Variants in ERC2 observed in about 807,000 individuals in gnomAD.
ERC2 encodes ELKS/RAB6-interacting/CAST family member 2.
Under a neutral mutation model 114.8 loss-of-function variants are expected in ERC2, and 42 were observed. The ratio of observed to expected loss-of-function variants is 0.37; its 90% confidence interval spans 0.29 to 0.47. The LOEUF (loss-of-function observed/expected upper bound fraction) is 0.47, where lower values mean the gene tolerates loss of function less well. Ranked by LOEUF, ERC2 falls within the 20% of genes least tolerant of loss-of-function variation. ERC2 has a pLI of 0.99. For synonymous variants in ERC2, 454 were observed against 425.5 expected (o/e 1.07, Z -0.82); for missense variants, 939 against 1,150.7 (o/e 0.82, Z 2.66).
intron 6 of ERC2, among the ~76,000 whole-genome samples, chr3:56,100,962 A>C (rs2078319906): frequency 1.3e-5 from 2 of 152,214 alleles, no homozygotes; most frequent in African/African-American, 4.8e-5. Flanking sequence ...ACAGAAATTC[A>C]GGGGATAATC....
At chr3:55,939,868 T>A (rs1255004933) in intron 13 of ERC2, among the ~76,000 whole-genome samples, 1 of 152,248 alleles carries the variant, frequency 6.6e-6, no homozygotes, top group Non-Finnish European at 1.5e-5. Flanking sequence ...GTCCAGACTG[T>A]CAGAGTTCTA....
chr3:56,059,174 T>C (rs2076141457), intron 7 of ERC2, among the ~76,000 whole-genome samples: 1 of 151,914 alleles, frequency 6.6e-6, no homozygotes, highest in Non-Finnish European at 1.5e-5. Flanking sequence ...CACTGCAACC[T>C]CCGCCCCCCA....
chr3:55,735,676 G>T (rs188623061), intron 14 of ERC2, among the ~76,000 whole-genome samples: 2 of 151,984 alleles, frequency 1.3e-5, no homozygotes, highest in African/African-American at 2.4e-5. Flanking sequence ...GAACTTTTGG[G>T]GGATACATTC....
In ERC2 at chr3:56,281,527, T is replaced by C. The variant is rs1391275747; in HGVS notation, c.1074+14492A>G. On this transcript the variant is annotated intron_variant, in intron 3 of 17. Coordinates refer to ENST00000288221, the MANE Select transcript of ERC2 (RefSeq NM_015576.3). ...ATGACAGGATATATATCAATAATGA[T>C]AAAGAACAGTGTGCAAGCTGCTGGT... Among the ~76,000 whole-genome samples the C allele has an allele frequency of 1.5e-4, 23 of 150,370 alleles. 1 individual carries two copies. Among genetic ancestry groups the C allele is most frequent in the Admixed American group, 1.5e-3 (23 of 15,064 alleles).
chr3:55,943,334 C>T lies in ERC2; in HGVS notation c.2403+7091G>A, dbSNP rs187956969. Among the ~76,000 whole-genome samples, 778 of 152,230 alleles carry T rather than the reference C, an allele frequency of 5.1e-3. 6 individuals are homozygous for T. The highest frequency in any genetic ancestry group is 0.018 in the African/African-American group (730 of 41,544). ...TATTTACTTTGAAAATGATACTGCA[C>T]GTGTTATGGAGTAAAATAGAATAGA... On this transcript the variant is annotated intron_variant, in intron 13 of 17. Transcript: ENST00000288221.
intron 17 of ERC2, among the ~76,000 whole-genome samples, chr3:55,549,184 CT>C (rs1438347783): frequency 6.6e-6 from 1 of 152,152 alleles, no homozygotes; most frequent in African/African-American, 2.4e-5. Flanking sequence ...CTCAAAGAAC[CT>C]ATCACCTCGA....
chr3:56,379,259 G>C (rs1371777039), intron 2 of ERC2, among the ~76,000 whole-genome samples: 1 of 152,014 alleles, frequency 6.6e-6, no homozygotes, highest in East Asian at 1.9e-4. Flanking sequence ...TATCCTATCT[G>C]ACTACTCAGG....
At chr3:55,805,831 G>T (rs1477896101) in intron 14 of ERC2, among the ~76,000 whole-genome samples, 2 of 152,130 alleles carry the variant, frequency 1.3e-5, no homozygotes, top group African/African-American at 4.8e-5. Flanking sequence ...GTCTGGTTCA[G>T]ATGCCTGTAA....
chr3:55,983,673 C>G (rs2070342581), intron 12 of ERC2, among the ~76,000 whole-genome samples: 1 of 152,134 alleles, frequency 6.6e-6, no homozygotes, highest in Admixed American at 6.5e-5. Context: ...ACTGCAGTTT[C>G]CAAACTTCAG....
chr3:56,415,944 C>A (rs1699715565), intron 2 of ERC2, among the ~76,000 whole-genome samples: 1 of 152,214 alleles, frequency 6.6e-6, no homozygotes, highest in South Asian at 2.1e-4. Flanking sequence ...GTCATAACAG[C>A]ATTGACTTTC....
chr3:56,305,259 AT>A (rs1429426602), intron 2 of ERC2, among the ~76,000 whole-genome samples: 3 of 152,106 alleles, frequency 2.0e-5, no homozygotes, highest in African/African-American at 7.2e-5. Flanking sequence ...CAGTTGAGAG[AT>A]GATGCTTGCA....
In ERC2 at chr3:56,468,241, G is replaced by A. The variant is rs2063647846; in HGVS notation, c.-141+7C>T. 1 of 151,972 alleles carries A rather than the reference G, an allele frequency of 6.6e-6. No individual in the cohort carries two copies. The highest frequency in any genetic ancestry group is 2.1e-4 in the South Asian group (1 of 4,826). 9.4% of individuals were successfully genotyped at this position (151,972 alleles called of 1,614,324 possible). A position where few individuals can be genotyped will look rare whatever the true frequency, so the allele number is the denominator to read the frequency against. ...AGGCGGCCCCGGCCCCGGCGTCGGC[G>A]TCTCACCTTTCCGATGCTCGCCCCG... On this transcript the variant is annotated splice_region_variant and intron_variant, in intron 1 of 17. Transcript: ENST00000288221.
At chr3:55,634,567 T>C (rs2059883918) in intron 17 of ERC2, among the ~76,000 whole-genome samples, 1 of 152,200 alleles carries the variant, frequency 6.6e-6, no homozygotes, top group African/African-American at 2.4e-5. Context: ...GGGGGAAGCC[T>C]AATCAGTTCA....
intron 14 of ERC2, among the ~76,000 whole-genome samples, chr3:55,848,364 G>A (rs1397754310): frequency 1.3e-5 from 2 of 152,008 alleles, no homozygotes; most frequent in Non-Finnish European, 2.9e-5. Context: ...CTCCACCACT[G>A]CCCACTTGGG....
At chr3:55,830,377 A>T (rs2060515530) in intron 14 of ERC2, among the ~76,000 whole-genome samples, 1 of 152,240 alleles carries the variant, frequency 6.6e-6, no homozygotes, top group African/African-American at 2.4e-5. Flanking sequence ...AACGAAGGAC[A>T]TTCAACAGCA....
At chr3:56,147,005 T>A (rs936980265) in intron 5 of ERC2, among the ~76,000 whole-genome samples, 1 of 152,162 alleles carries the variant, frequency 6.6e-6, no homozygotes, top group East Asian at 1.9e-4. Context: ...CTGGACAGAG[T>A]CCATGATGAG....
At chr3:56,184,848 GA>G (rs1242290187) in intron 3 of ERC2, among the ~76,000 whole-genome samples, 10 of 152,172 alleles carry the variant, frequency 6.6e-5, no homozygotes, top group African/African-American at 2.4e-4. Flanking sequence ...ATCCAGGCCT[GA>G]TGAGGGAAGA....
intron 12 of ERC2, among the ~76,000 whole-genome samples, chr3:55,959,684 A>G (rs1315804892): frequency 6.6e-6 from 1 of 152,188 alleles, no homozygotes; most frequent in Non-Finnish European, 1.5e-5. Context: ...ATTTCTTATC[A>G]CTTGGCCTCC....
chr3:55,692,479 G>A (rs2062718674), intron 16 of ERC2, among the ~76,000 whole-genome samples: 1 of 152,144 alleles, frequency 6.6e-6, no homozygotes, highest in African/African-American at 2.4e-5. Flanking sequence ...AGGGATGGCT[G>A]GAAATTCCCC....
Sources: allele counts gnomAD v4.1 joint callset (sites outside exome capture counted in the v4.1 genomes callset), GRCh38; gene constraint gnomAD v4.1.1; transcripts MANE v1.5; gene names NCBI Gene and HGNC (gene_info 2026-07-23, HGNC 2026-07-21).